Variants in STEAP3 observed in about 807,000 individuals in gnomAD.
STEAP3 encodes STEAP3 metalloreductase, also known as metalloreductase STEAP3.
STEAP3 carries 35 observed loss-of-function variants against 34.9 expected under a neutral mutation model. The observed-to-expected ratio is 1.00, with a 90% CI of 0.76 to 1.33. The LOEUF is 1.33. Among genes scored for constraint, STEAP3 ranks in the 40% most tolerant of loss-of-function variants. The pLI is 0.00. For missense variants in STEAP3, 652 were observed against 667.6 expected (o/e 0.98, Z 0.26); for synonymous variants, 281 against 301.6 (o/e 0.93, Z 0.71).
At chr2:119,242,819 G>A (rs1677288024) in intron 2 of STEAP3, among the ~76,000 whole-genome samples, 1 of 152,228 alleles carries the variant, frequency 6.6e-6, no homozygotes, top group Admixed American at 6.5e-5. Flanking sequence ...ATAAGGCAGA[G>A]TCAGGACCAG....
intron 2 of STEAP3, among the ~76,000 whole-genome samples, chr2:119,232,792 G>A (rs566580402): frequency 5.9e-4 from 89 of 152,070 alleles, no homozygotes; most frequent in Admixed American, 2.2e-3. Context: ...GGGGAGTAGG[G>A]CCCCCCACCA....
chr2:119,229,917 G>A (rs1369048356), intron 1 of STEAP3, among the ~76,000 whole-genome samples: 1 of 151,124 alleles, frequency 6.6e-6, no homozygotes, highest in African/African-American at 2.5e-5. Context: ...TGCCCACAGG[G>A]GCTTTCACTC....
chr2:119,240,388 C>A (rs1325657015), intron 2 of STEAP3, among the ~76,000 whole-genome samples: 1 of 152,250 alleles, frequency 6.6e-6, no homozygotes, highest in Non-Finnish European at 1.5e-5. Flanking sequence ...CAGGGTGCCA[C>A]AGCCAGCCTC....
intron 4 of STEAP3, among the ~76,000 whole-genome samples, chr2:119,252,961 G>T (rs566853167): frequency 5.9e-5 from 9 of 152,346 alleles, no homozygotes; most frequent in African/African-American, 2.2e-4. Context: ...AGAGAGGAAT[G>T]ACTAATGAAG....
At chr2:119,246,057 C>T in intron 3 of STEAP3, 69 bp downstream of exon 3, 4 of 1,532,678 alleles carry the variant, frequency 2.6e-6, no homozygotes, top group Non-Finnish European at 2.6e-6. Flanking sequence ...CGAGTGCTGC[C>T]AGCATGCTCT....
intron 2 of STEAP3, among the ~76,000 whole-genome samples, chr2:119,237,848 C>T (rs60188987): frequency 0.05 from 7,594 of 152,266 alleles, 298 homozygotes; most frequent in Middle Eastern, 0.11. Context: ...CTCCAAATCC[C>T]CCATTCTGGC....
chr2:119,233,796 C>A (rs1035323687), intron 2 of STEAP3, among the ~76,000 whole-genome samples: 2 of 152,226 alleles, frequency 1.3e-5, no homozygotes, highest in Non-Finnish European at 2.9e-5. Flanking sequence ...CCAGGAGCTG[C>A]TCCCCGGGCT....
At chr2:119,226,631 C>A (rs569836448) in intron 1 of STEAP3, among the ~76,000 whole-genome samples, 6 of 152,168 alleles carry the variant, frequency 3.9e-5, no homozygotes, top group African/African-American at 1.4e-4. Context: ...ACAGAAGTCC[C>A]TCTTCCTCCC....
intron 4 of STEAP3, among the ~76,000 whole-genome samples, chr2:119,250,281 C>T (rs984936805): frequency 1.7e-4 from 26 of 152,356 alleles, no homozygotes; most frequent in African/African-American, 5.8e-4. Flanking sequence ...TCTGGCTCCT[C>T]GCCTCAGCTG....
At chr2:119,246,189 T>TTGAACCCAGTTCCTATGGATC in intron 3 of STEAP3, 1 of 726,414 alleles carries the variant, frequency 1.4e-6, no homozygotes, top group South Asian at 2.0e-5. Flanking sequence ...AAGTTGGGAT[T>TTGAACCCAGTTCCTATGGATC]TGAACCCAGT....
At chr2:119,252,756 T>C (rs1677660077) in intron 4 of STEAP3, among the ~76,000 whole-genome samples, 1 of 152,180 alleles carries the variant, frequency 6.6e-6, no homozygotes, top group African/African-American at 2.4e-5. Flanking sequence ...TAAGGCTGGC[T>C]TAGGTTCTGT....
At position 119,265,631 on chromosome 2, in the gene STEAP3, T is replaced by C. The variant is rs1191291822; in HGVS notation, c.*2293T>C. The C allele has an allele frequency of 2.0e-5, 3 of 151,810 alleles. No individual in the cohort carries two copies. The highest frequency in any genetic ancestry group is 6.6e-5 in the Admixed American group (1 of 15,250). 9.4% of individuals were successfully genotyped at this position (151,810 alleles called of 1,614,324 possible). ...GTAGACAGTATAAAAGCAGTGCAAA[T>C]AAACACCTAACCTTCTGCAAACTTC... On this transcript the variant is annotated 3_prime_UTR_variant, in exon 6 of 6. Transcript: ENST00000393110.
Position 119,230,967 on chromosome 2 carries a change from G to C in STEAP3, c.-46G>C. ...CAGAAAGGGTGGCTCACCTCACGGTGAGGCTGTCGAGTGACCTGAGAGCCT... is the reference window on the plus strand; with the variant it reads ...CAGAAAGGGTGGCTCACCTCACGGTCAGGCTGTCGAGTGACCTGAGAGCCT... On this transcript the variant is annotated 5_prime_UTR_variant, in exon 2 of 6. Coordinates refer to ENST00000393110, the MANE Select transcript of STEAP3 (RefSeq NM_182915.3). 2 of 1,614,062 alleles carry C rather than the reference G, an allele frequency of 1.2e-6. No homozygotes were observed. Among genetic ancestry groups the C allele is most frequent in the Non-Finnish European group, 1.7e-6 (2 of 1,179,896 alleles).
chr2:119,235,548 C>G (rs57586381), intron 2 of STEAP3, among the ~76,000 whole-genome samples: 1 of 152,226 alleles, frequency 6.6e-6, no homozygotes, highest in Admixed American at 6.5e-5. Flanking sequence ...GCAGCACCAG[C>G]AATTCTGGAT....
intron 1 of STEAP3, among the ~76,000 whole-genome samples, chr2:119,229,886 G>A (rs778757310): frequency 4.6e-5 from 7 of 152,092 alleles, no homozygotes; most frequent in Admixed American, 2.0e-4. Context: ...TAGACTCCGC[G>A]GAGATTCAGG....
Position 119,230,714 on chromosome 2 carries a change from AC to A in STEAP3, c.-296del. 2.0e-6 allele frequency: 1 copy of A among 509,038 alleles called. No individual in the cohort carries two copies. Among genetic ancestry groups the A allele is most frequent in the African/African-American group, 1.9e-5 (1 of 52,350 alleles). The allele number at this position is 509,038 out of a possible 1,614,324, so 31.5% of individuals were successfully genotyped here. A position where few individuals can be genotyped will look rare whatever the true frequency, so the allele number is the denominator to read the frequency against. On this transcript the variant is annotated 5_prime_UTR_variant, in exon 2 of 6. Coordinates refer to ENST00000393110, the MANE Select transcript of STEAP3 (RefSeq NM_182915.3). ...ACTTGAGTCTGAGCCACTAATTATC[AC>A]CCGTGAGGTTTCCTCCCCGAGCAGG...
At chr2:119,234,145 C>G (rs551894858) in intron 2 of STEAP3, among the ~76,000 whole-genome samples, 1 of 151,480 alleles carries the variant, frequency 6.6e-6, no homozygotes, top group East Asian at 1.9e-4. Flanking sequence ...GCTGAGCTGC[C>G]TCTGTGTGTC....
At chr2:119,228,717 C>T (rs1482975970) in intron 1 of STEAP3, among the ~76,000 whole-genome samples, 1 of 152,134 alleles carries the variant, frequency 6.6e-6, no homozygotes, top group African/African-American at 2.4e-5. Flanking sequence ...CCTTGTGTCA[C>T]CTGTGCTGGT....
rs191928264 is a variant in STEAP3, at chr2:119,261,135, A to G, written c.1216-1922A>G. Among the ~76,000 whole-genome samples the G allele has an allele frequency of 3.3e-5, 5 of 152,000 alleles. No homozygotes were observed. In the East Asian group the frequency reaches 9.7e-4, roughly 30 times the overall value. ...TTCACTGTCCTGGTGTCTGTCCTGG[A>G]GCAGGAAATGAAGGGACACACACAC... On this transcript the variant is annotated intron_variant, in intron 5 of 5. Coordinates refer to ENST00000393110, the MANE Select transcript of STEAP3 (RefSeq NM_182915.3).
Sources: gnomAD v4.1 joint callset for allele counts (sites outside exome capture counted in the v4.1 genomes callset) on GRCh38, gnomAD v4.1.1 for gene constraint, MANE v1.5 for transcripts, NCBI Gene and HGNC (gene_info 2026-07-23, HGNC 2026-07-21) for gene names.